The following VTI1A variants were observed in gnomAD, a reference collection of about 807,000 sequenced individuals.
The protein encoded by VTI1A is vesicle transport through interaction with t-SNAREs homolog 1A.
VTI1A carries 22 observed loss-of-function variants against 34.9 expected under a neutral mutation model. The observed-to-expected ratio is 0.63, with a 90% confidence interval of 0.45 to 0.90. VTI1A has a LOEUF of 0.90. Ranked by LOEUF, VTI1A falls within the 40% of genes least tolerant of loss-of-function variation. VTI1A has a pLI of 0.00. For missense variants in VTI1A, 268 were observed against 275.6 expected (o/e 0.97, Z 0.20); for synonymous variants, 87 against 97.3 (o/e 0.89, Z 0.62).
At chr10:112,523,488 C>G (rs1165346064) in intron 3 of VTI1A, among the ~76,000 whole-genome samples, 1 of 151,944 alleles carries the variant, frequency 6.6e-6, no homozygotes, top group Non-Finnish European at 1.5e-5. Flanking sequence ...ATGTAGTCTA[C>G]CAAAGTATGT....
intron 3 of VTI1A, among the ~76,000 whole-genome samples, chr10:112,494,306 G>T (rs372838888): frequency 6.6e-6 from 1 of 151,710 alleles, no homozygotes; most frequent in East Asian, 1.9e-4. Flanking sequence ...TCTGTTCATG[G>T]TTTTGTAATT....
chr10:112,810,966 C>A (rs1333292916), intron 7 of VTI1A, among the ~76,000 whole-genome samples: 1 of 149,274 alleles, frequency 6.7e-6, no homozygotes, highest in East Asian at 2.0e-4. Context: ...AAAAAAAAAT[C>A]TTATCAGTCT....
intron 5 of VTI1A, chr10:112,548,741 G>C: frequency 7.1e-7 from 1 of 1,416,792 alleles, no homozygotes; most frequent in Non-Finnish European, 9.7e-7. Flanking sequence ...ATCACGAAGG[G>C]ACCCAGAGAT....
intron 3 of VTI1A, among the ~76,000 whole-genome samples, chr10:112,485,889 G>A (rs1848609696): frequency 6.6e-6 from 1 of 152,040 alleles, no homozygotes; most frequent in Non-Finnish European, 1.5e-5. Flanking sequence ...TTTTTTCTGT[G>A]GTGCTCCCAT....
chr10:112,544,215 C>A (rs545934005), intron 5 of VTI1A, among the ~76,000 whole-genome samples: 1 of 152,048 alleles, frequency 6.6e-6, no homozygotes, highest in Non-Finnish European at 1.5e-5. Flanking sequence ...ATTCTGTGAA[C>A]AAAGTCATTG....
the VTI1A span, among the ~76,000 whole-genome samples, chr10:112,829,344 T>G: frequency 6.6e-6 from 1 of 151,210 alleles, no homozygotes; most frequent in Non-Finnish European, 1.5e-5. Context: ...CTCGGGAGGC[T>G]GAGGCAGGAG....
chr10:112,694,373 G>A (rs1209021041), intron 7 of VTI1A, among the ~76,000 whole-genome samples: 1 of 151,796 alleles, frequency 6.6e-6, no homozygotes, highest in Non-Finnish European at 1.5e-5. Context: ...TGGATGGATG[G>A]ATGGATGGAT....
intron 4 of VTI1A, among the ~76,000 whole-genome samples, chr10:112,531,139 A>G (rs1850426229): frequency 6.6e-6 from 1 of 150,580 alleles, no homozygotes; most frequent in Admixed American, 6.6e-5. Flanking sequence ...GAACCCTCAC[A>G]TGCTCTGCAG....
Position 112,779,851 on chromosome 10 carries a change from A to G in VTI1A, c.561-35439A>G, listed in dbSNP as rs535194286. On this transcript the variant is annotated intron_variant, in intron 7 of 7. Transcript: ENST00000393077. Reference sequence around the variant, plus strand: ...ACGTTATTATTAAATAGAAGCTCTCATGCTCTTTATAGCCACATTCCTCCA... The same window carrying G: ...ACGTTATTATTAAATAGAAGCTCTCGTGCTCTTTATAGCCACATTCCTCCA... 2.0e-5 allele frequency among the ~76,000 whole-genome samples: 3 copies of G among 152,270 alleles called. No homozygotes were observed. The South Asian group carries it at 6.2e-4, about 32-fold the overall frequency.
chr10:112,562,573 ATTTTC>A (rs1461619975), intron 5 of VTI1A, among the ~76,000 whole-genome samples: 1 of 151,774 alleles, frequency 6.6e-6, no homozygotes, highest in African/African-American at 2.4e-5. Context: ...TATAAAATAG[ATTTTC>A]TTTTATAACA....
At chr10:112,644,961 G>C (rs1346191277) in intron 5 of VTI1A, among the ~76,000 whole-genome samples, 1 of 152,184 alleles carries the variant, frequency 6.6e-6, no homozygotes, top group Non-Finnish European at 1.5e-5. Context: ...CTAGGAATGT[G>C]TTTGTAAGTT....
At chr10:112,773,508 C>G (rs748667600) in intron 7 of VTI1A, among the ~76,000 whole-genome samples, 1 of 152,198 alleles carries the variant, frequency 6.6e-6, no homozygotes, top group Admixed American at 6.5e-5. Flanking sequence ...CCCCATTCCT[C>G]CATCCAGATC....
At chr10:112,644,740 T>G (rs1468351147) in intron 5 of VTI1A, among the ~76,000 whole-genome samples, 2 of 152,196 alleles carry the variant, frequency 1.3e-5, no homozygotes, top group Non-Finnish European at 2.9e-5. Context: ...GCGAAATTAC[T>G]GAGACATTGA....
At chr10:112,538,655 C>T (rs1850745291) in intron 5 of VTI1A, 1 of 215,548 alleles carries the variant, frequency 4.6e-6, no homozygotes, top group Non-Finnish European at 9.1e-6. Context: ...ATGGCGCAAT[C>T]TCCAGTTTGC....
chr10:112,635,575 A>G lies in VTI1A; in HGVS notation c.428-32643A>G, dbSNP rs936425530. Among the ~76,000 whole-genome samples the G allele has an allele frequency of 2.6e-5, 4 of 152,218 alleles. No individual in the cohort carries two copies. The East Asian group carries it at 7.7e-4, about 29-fold the overall frequency. On this transcript the variant is annotated intron_variant, in intron 5 of 7. Transcript: ENST00000393077. The stretch of plus-strand genomic sequence containing the variant: ...AGGAAGATTTTAGAAAGATCAAACA[A>G]TCGAGACGTACTGATGGTTGTAGAC...
intron 5 of VTI1A, among the ~76,000 whole-genome samples, chr10:112,625,404 C>T (rs949276912): frequency 3.3e-5 from 5 of 151,872 alleles, no homozygotes; most frequent in Non-Finnish European, 7.4e-5. Context: ...TTTGGGAGGC[C>T]GAGGCAGGTG....
intron 5 of VTI1A, among the ~76,000 whole-genome samples, chr10:112,607,336 A>G (rs1034603421): frequency 2.0e-5 from 3 of 151,834 alleles, no homozygotes; most frequent in African/African-American, 7.3e-5. Flanking sequence ...GTGGCTGTCC[A>G]AGACCATATA....
At chr10:112,819,189 C>T (rs1042449239), downstream of VTI1A, among the ~76,000 whole-genome samples, 4 of 152,154 alleles carry the variant, frequency 2.6e-5, no homozygotes, top group Non-Finnish European at 4.4e-5. Flanking sequence ...AATTTCCCAT[C>T]GTAAATATTA....
At chr10:112,738,910 C>T (rs182264930) in intron 7 of VTI1A, among the ~76,000 whole-genome samples, 34 of 152,264 alleles carry the variant, frequency 2.2e-4, no homozygotes, top group Non-Finnish European at 2.9e-4. Flanking sequence ...GTGACCTAGC[C>T]GCATGATCCC....
Sources: allele counts gnomAD v4.1 joint callset (sites outside exome capture counted in the v4.1 genomes callset), GRCh38; gene constraint gnomAD v4.1.1; transcripts MANE v1.5; gene names NCBI Gene and HGNC (gene_info 2026-07-23, HGNC 2026-07-21).